TRAF2: variants seen among roughly 807,000 people sequenced by gnomAD.
TRAF2 encodes TNF receptor-associated factor 2.
Under a neutral mutation model 55.6 loss-of-function variants are expected in TRAF2, and 6 were observed. That is an observed-to-expected ratio of 0.11 (90% CI 0.06 to 0.21). The LOEUF is 0.21. Ranked by LOEUF, TRAF2 falls within the 10% of genes least tolerant of loss-of-function variation. The probability of loss-of-function intolerance (pLI) is 1.00; values close to 1 mark genes in which losing one functional copy is unlikely to be tolerated. For synonymous variants in TRAF2, 329 were observed against 276.3 expected (o/e 1.19, Z -1.89); for missense variants, 561 against 684.5 (o/e 0.82, Z 2.01).
At chr9:136,899,402 T>C (rs1051875684) in intron 2 of TRAF2, among the ~76,000 whole-genome samples, 192 bp from the exon 3 acceptor site, 3 of 152,280 alleles carry the variant, frequency 2.0e-5, no homozygotes, top group Middle Eastern at 3.4e-3. Flanking sequence ...ACAAACGGAG[T>C]GATAAAAACA....
upstream of TRAF2, among the ~76,000 whole-genome samples, chr9:136,885,197 A>G (rs1002990223): frequency 1.3e-5 from 2 of 152,182 alleles, no homozygotes; most frequent in African/African-American, 4.8e-5. Context: ...TGGCCTGTGT[A>G]AATTATGCAA....
intron 6 of TRAF2, among the ~76,000 whole-genome samples, chr9:136,915,179 CA>C (rs1047176170): frequency 4.0e-5 from 6 of 151,630 alleles, no homozygotes; most frequent in Non-Finnish European, 7.4e-5. Context: ...AACTCCGTCT[CA>C]AAAAAAAGTT....
At position 136,923,093 on chromosome 9, in the gene TRAF2, C is replaced by A. The variant is rs17244243; in HGVS notation, c.1139-759C>A. 6.8e-3 allele frequency among the ~76,000 whole-genome samples: 1,036 copies of A among 152,266 alleles called. 18 individuals are homozygous for A. The highest frequency in any genetic ancestry group is 0.024 in the African/African-American group (984 of 41,536). ...TCTGCCGGGTTCTGGCTGTCACTCA[C>A]GTCTGTGTCTTGTTGGGTGGGAAGG... is the stretch of plus-strand genomic sequence containing the variant. On this transcript the variant is annotated intron_variant, in intron 9 of 10. Transcript: ENST00000247668.
At chr9:136,882,902 GCT>G (rs1849390925), upstream of TRAF2, among the ~76,000 whole-genome samples, 1 of 152,216 alleles carries the variant, frequency 6.6e-6, no homozygotes, top group Non-Finnish European at 1.5e-5. Flanking sequence ...ACAGAGTCTT[GCT>G]CTGTCGTCCA....
chr9:136,888,676 C>T (rs1849508096), intron 1 of TRAF2, among the ~76,000 whole-genome samples: 1 of 152,214 alleles, frequency 6.6e-6, no homozygotes, highest in African/African-American at 2.4e-5. Flanking sequence ...CAGTGTTTGA[C>T]TTGTGTAACA....
intron 9 of TRAF2, among the ~76,000 whole-genome samples, chr9:136,923,056 T>TG (rs1850434191): frequency 6.6e-6 from 1 of 152,136 alleles, no homozygotes; most frequent in Non-Finnish European, 1.5e-5. Flanking sequence ...TCATGTGACT[T>TG]GGAAAGCAGC....
intron 10 of TRAF2, among the ~76,000 whole-genome samples, chr9:136,925,029 G>GCACA (rs1850495375): frequency 6.6e-6 from 1 of 152,244 alleles, no homozygotes; most frequent in Non-Finnish European, 1.5e-5. Context: ...GAGCCACTGT[G>GCACA]CCTGGCCTAT....
At chr9:136,893,169 C>G (rs149114084) in intron 1 of TRAF2, among the ~76,000 whole-genome samples, 59 of 152,230 alleles carry the variant, frequency 3.9e-4, no homozygotes, top group African/African-American at 1.4e-3. Flanking sequence ...GCAGGTGCAC[C>G]CACCTTCGAG....
upstream of TRAF2, chr9:136,882,164 A>T (rs1291665723): frequency 1.8e-6 from 1 of 550,778 alleles, no homozygotes; most frequent in East Asian, 1.5e-4. Flanking sequence ...CCAAGACCTG[A>T]GTAAAAGGAC....
chr9:136,886,637 C>G (rs1329170088), intron 1 of TRAF2, 96 bp downstream of exon 1: 1 of 859,496 alleles, frequency 1.2e-6, no homozygotes, highest in Admixed American at 7.6e-5. Flanking sequence ...GGGCACCTCT[C>G]AGGGAGACTC....
rs185437388 is a variant in TRAF2 at position 136,905,515 on chromosome 9, T to C, written c.367-2555T>C. On this transcript the variant is annotated intron_variant, in intron 4 of 10. Transcript: ENST00000247668. ...AATGGGAAAGCGTGATGGAGGTAGATGGTGGTGATGGTTACATAACATCAG... is the reference window on the plus strand; with the variant it reads ...AATGGGAAAGCGTGATGGAGGTAGACGGTGGTGATGGTTACATAACATCAG... 1.8e-3 allele frequency among the ~76,000 whole-genome samples: 276 copies of C among 152,288 alleles called. 1 individual carries two copies. The highest frequency in any genetic ancestry group is 1.4e-3 in the East Asian group (7 of 5,182).
upstream of TRAF2, among the ~76,000 whole-genome samples, chr9:136,884,241 CCTGG>C (rs1849406862): frequency 6.6e-6 from 1 of 151,190 alleles, no homozygotes; most frequent in South Asian, 2.1e-4. Flanking sequence ...AGCCGCCGTG[CCTGG>C]CTGTTTTTTC....
At chr9:136,903,704 T>C (rs988521519) in intron 4 of TRAF2, among the ~76,000 whole-genome samples, 2 of 152,040 alleles carry the variant, frequency 1.3e-5, no homozygotes, top group African/African-American at 2.4e-5. Context: ...TTTTTTGCGA[T>C]GGAGTCTCAC....
At chr9:136,897,220 G>T (rs1302039706) in intron 1 of TRAF2, among the ~76,000 whole-genome samples, 1 of 152,256 alleles carries the variant, frequency 6.6e-6, no homozygotes, top group South Asian at 2.1e-4. Context: ...TGAGGTGCAG[G>T]TATTGGCTGG....
At chr9:136,903,974 G>A (rs572123115) in intron 4 of TRAF2, among the ~76,000 whole-genome samples, 115 of 152,028 alleles carry the variant, frequency 7.6e-4, no homozygotes, top group Middle Eastern at 3.4e-3. Flanking sequence ...GAGCCACCGC[G>A]CCCAGCCAAG....
At chr9:136,920,116 C>T (rs1850348445) in intron 7 of TRAF2, 118 bp from the exon 8 acceptor site, 1 of 1,307,518 alleles carries the variant, frequency 7.6e-7, no homozygotes, top group African/African-American at 1.5e-5. Flanking sequence ...CCAGGCATCC[C>T]TATCTATGAC....
upstream of TRAF2, chr9:136,886,467 AGCGGCGGCG>A (rs758131750): frequency 2.4e-4 from 239 of 1,004,740 alleles, no homozygotes; most frequent in Admixed American, 1.5e-3. Context: ...CACGCGGCGG[AGCGGCGGCG>A]GCGGCGGCGG....
chr9:136,887,660 G>A (rs958291588), intron 1 of TRAF2, among the ~76,000 whole-genome samples: 1 of 152,176 alleles, frequency 6.6e-6, no homozygotes, highest in Non-Finnish European at 1.5e-5. Context: ...CTGTAACTCA[G>A]TCTCTCTCCC....
At chr9:136,885,822 C>T (rs928654404), upstream of TRAF2, among the ~76,000 whole-genome samples, 10 of 152,318 alleles carry the variant, frequency 6.6e-5, no homozygotes, top group African/African-American at 2.4e-4. Context: ...CCGGCCATGT[C>T]GGGCGGCCGT....
Sources: allele counts gnomAD v4.1 joint callset (sites outside exome capture counted in the v4.1 genomes callset), GRCh38; gene constraint gnomAD v4.1.1; transcripts MANE v1.5; gene names NCBI Gene and HGNC (gene_info 2026-07-23, HGNC 2026-07-21).